TADA2A: variants seen among roughly 807,000 people sequenced by gnomAD.
The protein encoded by TADA2A is transcriptional adapter 2-alpha.
Under a neutral mutation model 67.4 loss-of-function variants are expected in TADA2A, and 38 were observed. The observed-to-expected ratio is 0.56, with a 90% CI of 0.44 to 0.74. TADA2A has a LOEUF of 0.74. Among genes scored for constraint, TADA2A ranks in the 30% least tolerant of loss-of-function variants. The probability of loss-of-function intolerance (pLI) is 0.00; values close to 1 mark genes in which losing one functional copy is unlikely to be tolerated. For missense variants in TADA2A, 454 were observed against 547.0 expected (o/e 0.83, Z 1.70); for synonymous variants, 192 against 181.6 (o/e 1.06, Z -0.46).
intron 8 of TADA2A, 66 bp downstream of exon 8, chr17:37,444,834 A>G (rs2053029322): frequency 1.4e-6 from 2 of 1,398,420 alleles, no homozygotes; most frequent in Admixed American, 1.7e-5. Context: ...CTTGGGTGCT[A>G]GGAATTGAAG....
At chr17:37,412,324 A>G (rs2051903940) in intron 2 of TADA2A, among the ~76,000 whole-genome samples, 2 of 152,082 alleles carry the variant, frequency 1.3e-5, no homozygotes, top group Non-Finnish European at 1.5e-5. Flanking sequence ...GACCAATAAC[A>G]TGTTTCAGGC....
At chr17:37,474,161 C>T (rs1247248200) in intron 14 of TADA2A, among the ~76,000 whole-genome samples, 2 of 152,082 alleles carry the variant, frequency 1.3e-5, no homozygotes, top group African/African-American at 4.8e-5. Flanking sequence ...ATCACTTGAG[C>T]CAGGGAGATT....
chr17:37,456,116 A>T lies in TADA2A; in HGVS notation c.605-2408A>T, dbSNP rs184888286. Among the ~76,000 whole-genome samples, 219 of 152,282 alleles carry T rather than the reference A, an allele frequency of 1.4e-3. 1 individual carries two copies. Among genetic ancestry groups the T allele is most frequent in the Non-Finnish European group, 2.5e-3 (172 of 68,026 alleles). On this transcript the variant is annotated intron_variant, in intron 8 of 15. Coordinates refer to ENST00000615182, the MANE Select transcript of TADA2A (RefSeq NM_001166105.3). ...CTACTTGGGAGACTGAGGCAGGAGA[A>T]TCCCTTGAACCCGGGAGGCAGAGGT...
intron 9 of TADA2A, among the ~76,000 whole-genome samples, chr17:37,458,952 C>T (rs2053476210): frequency 6.6e-6 from 1 of 152,054 alleles, no homozygotes; most frequent in South Asian, 2.1e-4. Flanking sequence ...GTTAGGATTG[C>T]AGGCATGAGC....
chr17:37,413,551 TTTTTTA>T (rs1417820807), intron 2 of TADA2A, among the ~76,000 whole-genome samples: 2 of 152,070 alleles, frequency 1.3e-5, no homozygotes, highest in African/African-American at 4.8e-5. Context: ...TTTTTTAATT[TTTTTTA>T]TTTTTAAGAG....
chr17:37,465,698 G>A lies in TADA2A; in HGVS notation c.823+157G>A, dbSNP rs2053650788. 5 of 1,382,196 alleles carry A rather than the reference G, an allele frequency of 3.6e-6. No homozygotes were observed. The Admixed American group carries it at 1.1e-4, about 31-fold the overall frequency. The allele number at this position is 1,382,196 out of a possible 1,614,324, so 85.6% of individuals were successfully genotyped here. On this transcript the variant is annotated intron_variant, in intron 11 of 15. Transcript: ENST00000615182. Reference sequence around the variant, plus strand: ...CCATGAGACAAATTTGGGACTATGGGGGTGGCAGAAGAGAGGTTAAAAAGC... The same window carrying A: ...CCATGAGACAAATTTGGGACTATGGAGGTGGCAGAAGAGAGGTTAAAAAGC...
intron 8 of TADA2A, among the ~76,000 whole-genome samples, chr17:37,449,595 T>C (rs1361875668): frequency 6.6e-6 from 1 of 150,996 alleles, no homozygotes; most frequent in East Asian, 2.0e-4. Context: ...TACTGTACAA[T>C]ACTTAGCTGT....
intron 4 of TADA2A, among the ~76,000 whole-genome samples, chr17:37,429,063 A>G (rs947815002): frequency 2.0e-5 from 3 of 147,058 alleles, no homozygotes; most frequent in Non-Finnish European, 3.0e-5. Flanking sequence ...AAAAAAAAAG[A>G]AAAAGAAAAA....
intron 13 of TADA2A, 85 bp from the exon 14 acceptor site, chr17:37,471,009 A>G: frequency 1.5e-6 from 2 of 1,377,394 alleles, no homozygotes; most frequent in Non-Finnish European, 2.1e-6. Context: ...GACCTACCTG[A>G]TAAATGGCAC....
At chr17:37,455,786 C>A (rs2053374884) in intron 8 of TADA2A, among the ~76,000 whole-genome samples, 1 of 152,134 alleles carries the variant, frequency 6.6e-6, no homozygotes, top group African/African-American at 2.4e-5. Flanking sequence ...CAGTGTTTTT[C>A]CTACTTAATA....
In TADA2A at chr17:37,423,525, G is replaced by A. The variant is rs1419092102; in HGVS notation, c.42G>A (p.Lys14=). The change falls in exon 3 of 16, where the codon AAG becomes AAA. Residue 14 remains lysine, a synonymous_variant. Transcript: ENST00000615182. The part of the protein sequence containing the change: ...LGSFSNDPSD[K]PPCRGCSSYL... ...TTGTTCTAGATGATCCCTCTGATAAGCCACCTTGCCGAGGCTGCTCCTCCT... is the reference window on the plus strand; with the variant it reads ...TTGTTCTAGATGATCCCTCTGATAAACCACCTTGCCGAGGCTGCTCCTCCT... 4 of 1,611,714 alleles carry A rather than the reference G, an allele frequency of 2.5e-6. No homozygotes were observed. The highest frequency in any genetic ancestry group is 3.4e-6 in the Non-Finnish European group (4 of 1,179,468).
intron 1 of TADA2A, chr17:37,407,360 G>A (rs2051608370): frequency 6.6e-6 from 1 of 152,444 alleles, no homozygotes. Context: ...TAGAGCTGAG[G>A]CGCAGGTAAA....
chr17:37,473,238 G>A (rs1287362566), intron 14 of TADA2A, among the ~76,000 whole-genome samples: 2 of 148,194 alleles, frequency 1.3e-5, no homozygotes, highest in East Asian at 2.0e-4. Context: ...CTCCCAAAGT[G>A]CTCAGATTAC....
chr17:37,414,582 A>T (rs1366896527), intron 2 of TADA2A, among the ~76,000 whole-genome samples: 1 of 152,202 alleles, frequency 6.6e-6, no homozygotes, highest in Non-Finnish European at 1.5e-5. Context: ...TATGTGCTAT[A>T]TACATATATG....
intron 4 of TADA2A, among the ~76,000 whole-genome samples, chr17:37,435,526 G>C (rs1281482595): frequency 6.6e-6 from 1 of 152,096 alleles, no homozygotes; most frequent in Non-Finnish European, 1.5e-5. Context: ...CTGACCTCGT[G>C]ATCTGCCCGC....
At position 37,474,605 on chromosome 17, in the gene TADA2A, G is replaced by C; in HGVS notation, c.1122G>C (p.Glu374Asp). ...ACCTCACTGGCCTCCCTGGCACAGA[G>C]AAGCTGAATGAAAAAGAAAAGGAGG... ...PLNLTGLPGT[E>D]KLNEKEKELC... The change falls in exon 15 of 16, where the codon GAG (glutamate) becomes GAC (aspartate). Residue 374 changes from glutamate (E) to aspartate (D), a missense_variant. Around this residue, in one of 2 missense-constraint regions of TADA2A, gnomAD observed 51 missense variants for 91.5 expected, o/e 0.56. Transcript: ENST00000615182. 1 of 1,613,192 alleles carries C rather than the reference G, an allele frequency of 6.2e-7. No individual in the cohort carries two copies. The highest frequency in any genetic ancestry group is 1.1e-5 in the South Asian group (1 of 90,756).
intron 8 of TADA2A, among the ~76,000 whole-genome samples, chr17:37,450,851 T>G (rs1167997176): frequency 6.6e-6 from 1 of 152,212 alleles, no homozygotes; most frequent in African/African-American, 2.4e-5. Context: ...CAGTTGCTGC[T>G]GAGTGTGCTC....
chr17:37,471,673 A>G (rs540066933), intron 14 of TADA2A, among the ~76,000 whole-genome samples: 2 of 151,894 alleles, frequency 1.3e-5, no homozygotes, highest in East Asian at 1.9e-4. Context: ...ACGCCTGGCT[A>G]ATTTTTGTAT....
At chr17:37,429,757 A>G (rs1247062046) in intron 4 of TADA2A, among the ~76,000 whole-genome samples, 1 of 152,206 alleles carries the variant, frequency 6.6e-6, no homozygotes, top group Non-Finnish European at 1.5e-5. Context: ...CAATGAATTA[A>G]TCAAAGAACC....
Sources: allele counts gnomAD v4.1 joint callset (sites outside exome capture counted in the v4.1 genomes callset), GRCh38; gene constraint gnomAD v4.1.1; regional missense constraint gnomAD v4.1.1; transcripts MANE v1.5; gene names NCBI Gene and HGNC (gene_info 2026-07-23, HGNC 2026-07-21).